The following KLF13 variants were observed in gnomAD, a reference collection of about 807,000 sequenced individuals.
KLF13 encodes Krueppel-like factor 13.
A neutral mutation model predicts 16.7 loss-of-function variants in KLF13; 8 were observed. That is an observed-to-expected ratio of 0.48 (90% CI 0.28 to 0.87). The LOEUF is 0.87. Ranked by LOEUF, KLF13 falls within the 40% of genes least tolerant of loss-of-function variation. The pLI, the probability that KLF13 is intolerant of heterozygous loss-of-function variation, is 0.10. For synonymous variants in KLF13, 245 were observed against 208.4 expected, an observed-to-expected ratio of 1.18 and a Z score of -1.51; for missense variants, 447 against 452.2, an observed-to-expected ratio of 0.99 and a Z score of 0.10.
upstream of KLF13, among the ~76,000 whole-genome samples, chr15:31,389,087 A>G (rs2039829729): frequency 6.6e-6 from 1 of 152,060 alleles, no homozygotes; most frequent in South Asian, 2.1e-4. Context: ...TGCCTCTGCC[A>G]CCCCTGAGAC....
downstream of KLF13, among the ~76,000 whole-genome samples, chr15:31,382,029 G>A (rs75479567): frequency 6.2e-3 from 939 of 152,306 alleles, 7 homozygotes; most frequent in African/African-American, 0.022. Context: ...GCTTGGCATG[G>A]TCTGTGTGGG....
At position 31,372,870 on chromosome 15, in the gene KLF13, C is replaced by T. The variant is rs1243907108; in HGVS notation, c.*571C>T. ...GCTTGCAACGCAGCTGATTCTGAGA[C>T]AGGCCCCTGCAGAGGGATGCCTTAA... On this transcript the variant is annotated 3_prime_UTR_variant, in exon 2 of 2. Coordinates refer to ENST00000307145, the MANE Select transcript of KLF13 (RefSeq NM_015995.4). 1 of 152,542 alleles carries T rather than the reference C, an allele frequency of 6.6e-6. No individual in the cohort carries two copies. Among genetic ancestry groups the T allele is most frequent in the Non-Finnish European group, 1.5e-5 (1 of 68,262 alleles). The allele number at this position is 152,542 out of a possible 1,614,324, so 9.4% of individuals were successfully genotyped here.
chr15:31,426,645 T>C (rs2040404757), intron 1 of KLF13, among the ~76,000 whole-genome samples: 1 of 152,156 alleles, frequency 6.6e-6, no homozygotes. Context: ...AATGGACAAA[T>C]GACTTGAGCA....
intron 2 of KLF13, among the ~76,000 whole-genome samples, chr15:31,394,501 AAAG>A (rs1348261960): frequency 6.6e-6 from 1 of 151,988 alleles, no homozygotes; most frequent in Non-Finnish European, 1.5e-5. Context: ...AAAAAAAAAA[AAAG>A]AAAAGAAAGA....
chr15:31,361,571 G>A (rs954256854), intron 1 of KLF13, among the ~76,000 whole-genome samples: 2 of 152,074 alleles, frequency 1.3e-5, no homozygotes, highest in African/African-American at 4.8e-5. Flanking sequence ...GAAGGAGAGG[G>A]CAGGGGGAGG....
chr15:31,381,043 G>A (rs1044662922), downstream of KLF13, among the ~76,000 whole-genome samples: 2 of 152,020 alleles, frequency 1.3e-5, no homozygotes, highest in Non-Finnish European at 1.5e-5. Flanking sequence ...ATGGTGGCGG[G>A]TGCCTGTAAT....
chr15:31,341,869 G>C (rs928593079), intron 1 of KLF13, among the ~76,000 whole-genome samples: 10 of 152,110 alleles, frequency 6.6e-5, no homozygotes, highest in African/African-American at 2.4e-4. Flanking sequence ...TATCCTCCTG[G>C]ATAAACCCAG....
intron 1 of KLF13, among the ~76,000 whole-genome samples, chr15:31,411,597 G>A (rs1217197436): frequency 1.3e-5 from 2 of 150,398 alleles, no homozygotes; most frequent in Non-Finnish European, 3.0e-5. Context: ...AGTAGAGACG[G>A]GGTTTCACCG....
At chr15:31,336,905 A>G (rs1340987657) in intron 1 of KLF13, among the ~76,000 whole-genome samples, 2 of 152,170 alleles carry the variant, frequency 1.3e-5, no homozygotes, top group East Asian at 1.9e-4. Context: ...ACAAACCCCA[A>G]CACATTTTCA....
upstream of KLF13, among the ~76,000 whole-genome samples, chr15:31,389,090 C>G (rs967534982): frequency 2.6e-5 from 4 of 152,098 alleles, no homozygotes. Flanking sequence ...CTCTGCCACC[C>G]CTGAGACAGC....
intron 2 of KLF13, among the ~76,000 whole-genome samples, chr15:31,403,021 A>C (rs1203623106): frequency 6.6e-6 from 1 of 152,226 alleles, no homozygotes; most frequent in Non-Finnish European, 1.5e-5. Flanking sequence ...AATGGATGCC[A>C]GGAAGGGCAT....
At chr15:31,352,647 T>C (rs182237093) in intron 1 of KLF13, among the ~76,000 whole-genome samples, 1 of 152,328 alleles carries the variant, frequency 6.6e-6, no homozygotes, top group East Asian at 1.9e-4. Context: ...GGGCTGGGTC[T>C]ACCAACCCGG....
upstream of KLF13, among the ~76,000 whole-genome samples, chr15:31,392,500 T>G (rs112271604): frequency 4.7e-4 from 72 of 152,286 alleles, no homozygotes; most frequent in African/African-American, 1.7e-3. Flanking sequence ...CCGGGTCCCC[T>G]GCGCTCCTCA....
chr15:31,381,924 G>GT (rs2039732490), downstream of KLF13, among the ~76,000 whole-genome samples: 1 of 152,210 alleles, frequency 6.6e-6, no homozygotes, highest in African/African-American at 2.4e-5. Context: ...TGGTGTCTCC[G>GT]TGCCAGACGC....
At chr15:31,336,100 G>C (rs998532447) in intron 1 of KLF13, among the ~76,000 whole-genome samples, 1 of 152,250 alleles carries the variant, frequency 6.6e-6, no homozygotes, top group Admixed American at 6.5e-5. Flanking sequence ...AGCGTACACT[G>C]GACACACATG....
chr15:31,421,707 G>A (rs755954281), intron 1 of KLF13, among the ~76,000 whole-genome samples: 4 of 151,820 alleles, frequency 2.6e-5, no homozygotes, highest in Admixed American at 6.6e-5. Flanking sequence ...CCTAATGAAA[G>A]GCAGCAAGAA....
At position 31,327,326 on chromosome 15, in the gene KLF13, G is replaced by A. The variant is rs1425285923; in HGVS notation, c.114G>A (p.Ala38=). 270 of 1,279,840 alleles carry A rather than the reference G, an allele frequency of 2.1e-4. No homozygotes were observed. The highest frequency in any genetic ancestry group is 2.6e-4 in the Non-Finnish European group (262 of 1,017,386). The allele number at this position is 1,279,840 out of a possible 1,614,324, so 79.3% of individuals were successfully genotyped here. A position where few individuals can be genotyped will look rare whatever the true frequency, so the allele number is the denominator to read the frequency against. The part of the protein sequence containing the change: ...REGPESRPEG[A]AVAATPTLPR... ...GGCCGGAGTCCCGGCCCGAGGGCGCGGCCGTGGCCGCCACCCCCACGCTGC... is the reference window on the plus strand; with the variant it reads ...GGCCGGAGTCCCGGCCCGAGGGCGCAGCCGTGGCCGCCACCCCCACGCTGC... Residue 38 remains alanine (A), a synonymous_variant, in exon 1 of 2, where the codon GCG becomes GCA. Coordinates refer to ENST00000307145, the MANE Select transcript of KLF13 (RefSeq NM_015995.4).
intron 1 of KLF13, among the ~76,000 whole-genome samples, chr15:31,350,618 T>C (rs999906011): frequency 2.6e-5 from 4 of 152,392 alleles, no homozygotes; most frequent in Non-Finnish European, 5.9e-5. Context: ...AGAAAGTAGC[T>C]TGGCGTGTAA....
At chr15:31,397,903 G>A (rs1397617515) in intron 2 of KLF13, among the ~76,000 whole-genome samples, 1 of 151,794 alleles carries the variant, frequency 6.6e-6, no homozygotes, top group Non-Finnish European at 1.5e-5. Flanking sequence ...CTCTCCCTGG[G>A]GAATTCTTCA....
Sources: gnomAD v4.1 joint callset for allele counts (sites outside exome capture counted in the v4.1 genomes callset) on GRCh38, gnomAD v4.1.1 for gene constraint, MANE v1.5 for transcripts, NCBI Gene and HGNC (gene_info 2026-07-23, HGNC 2026-07-21) for gene names.